DDX46: variants seen among roughly 807,000 people sequenced by gnomAD.
DDX46 encodes the protein probable ATP-dependent RNA helicase DDX46.
DDX46 carries 30 observed loss-of-function variants against 134.9 expected under a neutral mutation model. The observed-to-expected ratio is 0.22, with a 90% CI of 0.17 to 0.30. DDX46 has a LOEUF of 0.30. DDX46 is among the 10% of genes least tolerant of loss of function. The probability of loss-of-function intolerance (pLI) is 1.00; values close to 1 mark genes in which losing one functional copy is unlikely to be tolerated. For missense variants in DDX46, 622 were observed against 1,248.7 expected, an observed-to-expected ratio of 0.50 and a Z score of 7.56; for synonymous variants, 415 against 404.1, an observed-to-expected ratio of 1.03 and a Z score of -0.32.
Position 134,818,956 on chromosome 5 carries a change from G to A in DDX46, c.2929G>A (p.Gly977Ser). 6.2e-7 allele frequency: 1 copy of A among 1,613,934 alleles called. No individual in the cohort carries two copies. ...AATCAGAGGAACCTACTTCCCTCCT[G>A]GCAAAGAACCCAAGGAAGGCGAGCG... ...ITIRGTYFPPGKEPKEGERKI... is the reference protein window; with the variant it reads ...ITIRGTYFPPSKEPKEGERKI... The change falls in exon 21 of 23, where the codon GGC becomes AGC. Residue 977 changes from glycine (G) to serine (S), a missense_variant. Coordinates refer to ENST00000452510, the MANE Select transcript of DDX46 (RefSeq NM_001300860.2).
At chr5:134,825,512 A>G (rs1047261658) in intron 21 of DDX46, among the ~76,000 whole-genome samples, 1 of 152,040 alleles carries the variant, frequency 6.6e-6, no homozygotes, top group African/African-American at 2.4e-5. Context: ...TATGGGGGGA[A>G]ATTTTCTCGT....
intron 3 of DDX46, 82 bp downstream of exon 3, chr5:134,767,142 A>G (rs572689315): frequency 6.1e-6 from 9 of 1,481,698 alleles, no homozygotes; most frequent in Non-Finnish European, 8.1e-6. Context: ...TTTCCCTGTA[A>G]GTTTGTATTT....
chr5:134,810,193 G>A (rs1755102676), intron 16 of DDX46, among the ~76,000 whole-genome samples: 1 of 151,558 alleles, frequency 6.6e-6, no homozygotes, highest in Non-Finnish European at 1.5e-5. Context: ...GATTACAGGT[G>A]TGAGCCATTG....
intron 18 of DDX46, among the ~76,000 whole-genome samples, chr5:134,813,194 C>T (rs975397462): frequency 1.3e-5 from 2 of 152,138 alleles, no homozygotes; most frequent in Admixed American, 6.5e-5. Flanking sequence ...CCGCCTGCCT[C>T]GGCCTCCCAA....
Position 134,811,335 on chromosome 5 carries a change from G to A in DDX46, c.2263G>A (p.Asp755Asn). ...VPPDLEKLWS[D>N]FKDQQKAEGK... The stretch of plus-strand genomic sequence containing the variant: ...TCCTGATTTAGAGAAACTGTGGAGT[G>A]ATTTCAAAGATCAGCAGAAAGCTGT... The change falls in exon 17 of 23, where the codon GAT becomes AAT. Residue 755 changes from aspartate (D) to asparagine (N), a missense_variant. By Grantham distance (23) the Asp-to-Asn change is conservative. Coordinates refer to ENST00000452510, the MANE Select transcript of DDX46 (RefSeq NM_001300860.2). 1 of 1,613,974 alleles carries A rather than the reference G, an allele frequency of 6.2e-7. No individual in the cohort carries two copies. Among genetic ancestry groups the A allele is most frequent in the South Asian group, 1.1e-5 (1 of 91,056 alleles).
At chr5:134,813,416 G>A (rs1459504301) in intron 18 of DDX46, among the ~76,000 whole-genome samples, 1 of 152,160 alleles carries the variant, frequency 6.6e-6, no homozygotes, top group African/African-American at 2.4e-5. Flanking sequence ...AGGCTTGACT[G>A]TTGCTGGATG....
At chr5:134,761,487 T>G (rs949319788) in intron 1 of DDX46, among the ~76,000 whole-genome samples, 2 of 152,228 alleles carry the variant, frequency 1.3e-5, no homozygotes, top group Non-Finnish European at 2.9e-5. Context: ...GCTTGAGAGA[T>G]AATCAGGTGC....
At position 134,776,782 on chromosome 5, in the gene DDX46, G is replaced by A. The variant is rs926161878; in HGVS notation, c.614-792G>A. On this transcript the variant is annotated intron_variant, in intron 5 of 22. Coordinates refer to ENST00000452510, the MANE Select transcript of DDX46 (RefSeq NM_001300860.2). ...ACAAAAATTAGCTGAGTATGGTGGCGCACGCCTGTAATCCCAGCTACTCAG... is the reference window on the plus strand; with the variant it reads ...ACAAAAATTAGCTGAGTATGGTGGCACACGCCTGTAATCCCAGCTACTCAG... Among the ~76,000 whole-genome samples, 9 of 151,766 alleles carry A rather than the reference G, an allele frequency of 5.9e-5. No homozygotes were observed. In the South Asian group the frequency reaches 6.2e-4, roughly 11 times the overall value.
chr5:134,796,520 C>T (rs894058352), intron 15 of DDX46, among the ~76,000 whole-genome samples: 1 of 152,190 alleles, frequency 6.6e-6, no homozygotes, highest in African/African-American at 2.4e-5. Flanking sequence ...ATTGCTATCA[C>T]ATGCATGTAA....
At chr5:134,794,261 G>A (rs535541500) in intron 13 of DDX46, among the ~76,000 whole-genome samples, 1 of 152,266 alleles carries the variant, frequency 6.6e-6, no homozygotes, top group African/African-American at 2.4e-5. Context: ...GCTGTATGTG[G>A]GGGATGGTTA....
chr5:134,812,723 T>C lies in DDX46; in HGVS notation c.2436+878T>C, dbSNP rs184274939. On this transcript the variant is annotated intron_variant, in intron 18 of 22. Transcript: ENST00000452510. ...GTAATCTCAGCTCAACTGCAACCTCTGCCTCCTGGGTTCAAGCGATTTTCC... is the reference window on the plus strand; with the variant it reads ...GTAATCTCAGCTCAACTGCAACCTCCGCCTCCTGGGTTCAAGCGATTTTCC... Among the ~76,000 whole-genome samples the C allele has an allele frequency of 6.6e-5, 10 of 152,072 alleles. No individual in the cohort carries two copies. In the East Asian group the frequency reaches 1.6e-3, roughly 24 times the overall value.
At chr5:134,772,658 C>T (rs1406467120) in intron 4 of DDX46, among the ~76,000 whole-genome samples, 1 of 152,154 alleles carries the variant, frequency 6.6e-6, no homozygotes, top group African/African-American at 2.4e-5. Context: ...TGCATGCCAC[C>T]ACGCCCAGCT....
intron 7 of DDX46, among the ~76,000 whole-genome samples, 181 bp downstream of exon 7, chr5:134,781,427 T>A (rs1754150055): frequency 1.3e-5 from 2 of 152,190 alleles, no homozygotes; most frequent in Non-Finnish European, 1.5e-5. Flanking sequence ...AGTGGAACAT[T>A]CTGATGTCTT....
At position 134,821,529 on chromosome 5, in the gene DDX46, G is replaced by GTTTTTTTTTTTTTTTT. The variant is rs199657679; in HGVS notation, c.2977+2531_2977+2532insTTTTTTTTTTTTTTTT. Among the ~76,000 whole-genome samples, 2 of 143,392 alleles carry GTTTTTTTTTTTTTTTT rather than the reference G, an allele frequency of 1.4e-5. 1 individual carries two copies. The highest frequency in any genetic ancestry group is 5.4e-5 in the African/African-American group (2 of 37,030). 94.1% of individuals were successfully genotyped at this position (143,392 alleles called of 152,430 possible). A position where few individuals can be genotyped will look rare whatever the true frequency, so the allele number is the denominator to read the frequency against. On this transcript the variant is annotated intron_variant, in intron 21 of 22. Coordinates refer to ENST00000452510, the MANE Select transcript of DDX46 (RefSeq NM_001300860.2). ...CATTTTGATTTGCTCTTGTTTCTGG[G>GTTTTTTTTTTTTTTTT]TTTTTTGTTTTTTTTTTTTTTTGAG...
chr5:134,794,840 T>G lies in DDX46; in HGVS notation c.1627-10T>G, dbSNP rs1405001647. 6.2e-7 allele frequency: 1 copy of G among 1,612,874 alleles called. No homozygotes were observed. Among genetic ancestry groups the G allele is most frequent in the Admixed American group, 1.7e-5 (1 of 59,686 alleles). ...TACCATATTTATTTGTAATGTTTTC[T>G]TTTTCTCAGGTCATGCGCATCGTGG... On this transcript the variant is annotated splice_polypyrimidine_tract_variant and intron_variant, in intron 13 of 22. Transcript: ENST00000452510.
intron 15 of DDX46, among the ~76,000 whole-genome samples, chr5:134,802,788 T>G (rs1754872011): frequency 6.6e-6 from 1 of 152,138 alleles, no homozygotes; most frequent in African/African-American, 2.4e-5. Context: ...GGTTTTGTCT[T>G]TGTATGTCTA....
chr5:134,769,650 C>T (rs750463510), intron 3 of DDX46, among the ~76,000 whole-genome samples: 12 of 151,328 alleles, frequency 7.9e-5, no homozygotes, highest in African/African-American at 2.2e-4. Flanking sequence ...AAGTGATTCT[C>T]CTGCCTCGGC....
In DDX46 at chr5:134,817,595, A is replaced by T. The variant is rs1755317676; in HGVS notation, c.2713A>T (p.Ile905Phe). ...CATTGCAGAACAACTTGCTGAAAAG[A>T]TCAATGCCAAGCTCAATTATGTGCC... ...KTIAEQLAEK[I>F]NAKLNYVPLE... The change falls in exon 20 of 23, where the codon ATC (isoleucine) becomes TTC (phenylalanine). Residue 905 changes from isoleucine (I) to phenylalanine (F), a missense_variant. Ile to Phe is a conservative substitution (Grantham distance 21). Transcript: ENST00000452510. 6.2e-7 allele frequency: 1 copy of T among 1,614,082 alleles called. No individual in the cohort carries two copies. Among genetic ancestry groups the T allele is most frequent in the Non-Finnish European group, 8.5e-7 (1 of 1,180,050 alleles).
chr5:134,790,575 GT>G, intron 13 of DDX46, 23 bp downstream of exon 13: 1 of 1,579,804 alleles, frequency 6.3e-7, no homozygotes. Context: ...TTTCTTAAGT[GT>G]TTTGAAATGT....
Sources: allele counts gnomAD v4.1 joint callset (sites outside exome capture counted in the v4.1 genomes callset), GRCh38; gene constraint gnomAD v4.1.1; transcripts MANE v1.5; gene names NCBI Gene and HGNC (gene_info 2026-07-23, HGNC 2026-07-21).